DLC1: variants seen among roughly 807,000 people sequenced by gnomAD.
DLC1 encodes rho GTPase-activating protein 7.
Under a neutral mutation model 140.3 loss-of-function variants are expected in DLC1, and 54 were observed. That is an observed-to-expected ratio of 0.38 (90% CI 0.31 to 0.48). The LOEUF (loss-of-function observed/expected upper bound fraction) is 0.48, where lower values mean the gene tolerates loss of function less well. Ranked by LOEUF, DLC1 falls within the 20% of genes least tolerant of loss-of-function variation. The pLI is 0.96. For synonymous variants in DLC1, 986 were observed against 728.1 expected (o/e 1.35, Z -5.70); for missense variants, 2,536 against 1,907.0 (o/e 1.33, Z -6.14).
At chr8:13,279,270 C>T (rs1459780831) in intron 5 of DLC1, among the ~76,000 whole-genome samples, 1 of 152,174 alleles carries the variant, frequency 6.6e-6, no homozygotes, top group African/African-American at 2.4e-5. Flanking sequence ...GCACTCAGGT[C>T]TAATCACCAA....
chr8:13,263,639 T>A (rs1830557476), intron 5 of DLC1, among the ~76,000 whole-genome samples: 2 of 151,122 alleles, frequency 1.3e-5, no homozygotes, highest in African/African-American at 4.8e-5. Context: ...TAAATTTATA[T>A]GTATATATAA....
At chr8:13,468,772 GC>G (rs1263776606) in intron 2 of DLC1, among the ~76,000 whole-genome samples, 1 of 138,970 alleles carries the variant, frequency 7.2e-6, no homozygotes, top group Non-Finnish European at 1.6e-5. Flanking sequence ...CAAAGGATTG[GC>G]TTTTTAGTTG....
intron 4 of DLC1, among the ~76,000 whole-genome samples, chr8:13,326,259 AAG>A (rs1398545668): frequency 6.6e-6 from 1 of 152,236 alleles, no homozygotes; most frequent in East Asian, 1.9e-4. Flanking sequence ...CTAAATATTC[AAG>A]AGAGAAACAT....
intron 4 of DLC1, among the ~76,000 whole-genome samples, chr8:13,312,413 A>T (rs1832713531): frequency 6.7e-6 from 1 of 149,334 alleles, no homozygotes; most frequent in African/African-American, 2.4e-5. Flanking sequence ...AGCTAGATAA[A>T]CAGAAAGAGC....
chr8:13,120,342 C>CAAAAAAAAAAAAAA (rs1554577908), intron 5 of DLC1, among the ~76,000 whole-genome samples: 3 of 58,810 alleles, frequency 5.1e-5, no homozygotes, highest in Non-Finnish European at 7.4e-5. Context: ...GACTCCGTCG[C>CAAAAAAAAAAAAAA]AAAAAAAAAA....
At chr8:13,103,659 C>T (rs144463624) in intron 7 of DLC1, among the ~76,000 whole-genome samples, 241 of 151,590 alleles carry the variant, frequency 1.6e-3, no homozygotes, top group African/African-American at 5.0e-3. Context: ...TCCAACATGG[C>T]GAAACCCCAA....
chr8:13,453,492 A>G (rs1442928502), intron 2 of DLC1, among the ~76,000 whole-genome samples: 4 of 33,392 alleles, frequency 1.2e-4, no homozygotes, highest in African/African-American at 4.4e-4. Context: ...ATATATATAC[A>G]TATATATATG....
intron 5 of DLC1, among the ~76,000 whole-genome samples, chr8:13,292,685 TA>T (rs1831803442): frequency 1.3e-5 from 2 of 152,218 alleles, no homozygotes; most frequent in African/African-American, 4.8e-5. Context: ...TGTATTTTTT[TA>T]AATAGAAAAA....
At chr8:13,276,385 C>A in intron 5 of DLC1, 1 of 1,504,140 alleles carries the variant, frequency 6.6e-7, no homozygotes. Flanking sequence ...ATCACGTGGG[C>A]CTTGGGGTCC....
chr8:13,308,913 C>T (rs2117538378), intron 4 of DLC1, among the ~76,000 whole-genome samples: 2 of 152,292 alleles, frequency 1.3e-5, no homozygotes, highest in Middle Eastern at 6.8e-3. Context: ...GAGGTCCCAT[C>T]ATGTCATATC....
intron 4 of DLC1, among the ~76,000 whole-genome samples, chr8:13,314,442 C>A (rs1004948863): frequency 6.6e-6 from 1 of 151,620 alleles, no homozygotes; most frequent in Non-Finnish European, 1.5e-5. Flanking sequence ...AGAAACAAAA[C>A]AACATATATT....
chr8:13,215,228 CA>C (rs896348454), intron 5 of DLC1, among the ~76,000 whole-genome samples: 1 of 151,780 alleles, frequency 6.6e-6, no homozygotes, highest in African/African-American at 2.4e-5. Context: ...ATAATTTTAA[CA>C]AAAAAAATTA....
At chr8:13,228,555 G>T (rs1334276895) in intron 5 of DLC1, among the ~76,000 whole-genome samples, 3 of 151,856 alleles carry the variant, frequency 2.0e-5, no homozygotes, top group Non-Finnish European at 4.4e-5. Context: ...AAGCAACAAA[G>T]CAAGACCCTG....
chr8:13,593,622 G>C (rs1023572221), intron 1 of DLC1, among the ~76,000 whole-genome samples: 3 of 152,080 alleles, frequency 2.0e-5, no homozygotes, highest in African/African-American at 4.8e-5. Context: ...CTTAGCTTAA[G>C]AGATTGTTCA....
intron 5 of DLC1, among the ~76,000 whole-genome samples, chr8:13,144,840 G>A (rs1823299220): frequency 6.6e-6 from 1 of 152,084 alleles, no homozygotes; most frequent in South Asian, 2.1e-4. Context: ...CTGTTTTTCT[G>A]GAGAACCTTG....
chr8:13,592,669 G>A (rs1481443002), intron 1 of DLC1, among the ~76,000 whole-genome samples: 2 of 152,188 alleles, frequency 1.3e-5, no homozygotes, highest in East Asian at 1.9e-4. Flanking sequence ...CCCAGTAAGA[G>A]GATTTCCAGT....
At chr8:13,263,695 C>T (rs1343156241) in intron 5 of DLC1, among the ~76,000 whole-genome samples, 1 of 150,796 alleles carries the variant, frequency 6.6e-6, no homozygotes, top group African/African-American at 2.4e-5. Flanking sequence ...CTTATTCATA[C>T]CATTTTTATT....
At chr8:13,527,094 C>G (rs999133355) in intron 1 of DLC1, among the ~76,000 whole-genome samples, 8 of 152,126 alleles carry the variant, frequency 5.3e-5, no homozygotes, top group Non-Finnish European at 1.0e-4. Flanking sequence ...CGTGAATAGG[C>G]AGTTTTATTT....
intron 1 of DLC1, among the ~76,000 whole-genome samples, chr8:13,604,313 A>C (rs1805978131): frequency 1.3e-5 from 2 of 152,174 alleles, no homozygotes; most frequent in Non-Finnish European, 1.5e-5. Context: ...TTTTGGATGA[A>C]TATAGTTTCA....
Sources: gnomAD v4.1 joint callset for allele counts (sites outside exome capture counted in the v4.1 genomes callset) on GRCh38, gnomAD v4.1.1 for gene constraint, MANE v1.5 for transcripts, NCBI Gene and HGNC (gene_info 2026-07-23, HGNC 2026-07-21) for gene names.